The following BCKDHB variants were observed in gnomAD, a reference collection of about 807,000 sequenced individuals.
BCKDHB encodes branched chain keto acid dehydrogenase E1 subunit beta, also known as 2-oxoisovalerate dehydrogenase subunit beta, mitochondrial.
Under a neutral mutation model 48.5 loss-of-function variants are expected in BCKDHB, and 41 were observed. That is an observed-to-expected ratio of 0.85 (90% CI 0.66 to 1.10). BCKDHB has a LOEUF of 1.10. Among genes scored for constraint, BCKDHB ranks in the 50% least tolerant of loss-of-function variants. BCKDHB has a pLI of 0.00. For synonymous variants in BCKDHB, 201 were observed against 174.8 expected, an observed-to-expected ratio of 1.15 and a Z score of -1.18; for missense variants, 496 against 494.2, an observed-to-expected ratio of 1.00 and a Z score of -0.03.
chr6:80,433,009 T>C, the BCKDHB span, among the ~76,000 whole-genome samples: 1 of 152,158 alleles, frequency 6.6e-6, no homozygotes, highest in Non-Finnish European at 1.5e-5. Context: ...ACAGCAAAGA[T>C]TGCTTCCTGT....
chr6:80,190,893 G>A (rs1051400984), intron 6 of BCKDHB, among the ~76,000 whole-genome samples: 2 of 152,190 alleles, frequency 1.3e-5, no homozygotes, highest in African/African-American at 4.8e-5. Context: ...GGTAGTGGCA[G>A]TTGAGGAGAC....
At chr6:80,307,599 G>A (rs1421678688) in intron 9 of BCKDHB, 96 of 983,794 alleles carry the variant, frequency 9.8e-5, no homozygotes, top group Non-Finnish European at 1.1e-4. Flanking sequence ...TAACAAGATC[G>A]TCAACAGAAA....
intron 9 of BCKDHB, among the ~76,000 whole-genome samples, chr6:80,323,530 C>A (rs1768859037): frequency 6.6e-6 from 1 of 152,110 alleles, no homozygotes; most frequent in Non-Finnish European, 1.5e-5. Context: ...GCGTATAGAC[C>A]AATTCAAACT....
chr6:80,140,171 C>G (rs1197971533), intron 3 of BCKDHB, among the ~76,000 whole-genome samples: 1 of 152,164 alleles, frequency 6.6e-6, no homozygotes, highest in Non-Finnish European at 1.5e-5. Flanking sequence ...TGAGACTTTG[C>G]TGAAGTTGCT....
At chr6:80,430,165 G>A in the BCKDHB span, among the ~76,000 whole-genome samples, 8 of 152,096 alleles carry the variant, frequency 5.3e-5, no homozygotes, top group South Asian at 2.1e-4. Context: ...GATAGATTAC[G>A]GTTATTGATT....
intron 8 of BCKDHB, among the ~76,000 whole-genome samples, chr6:80,204,262 T>C (rs1290123796): frequency 1.3e-5 from 2 of 152,120 alleles, no homozygotes; most frequent in African/African-American, 4.8e-5. Context: ...TAGTAGAAGA[T>C]GTAAGATTTG....
chr6:80,261,016 A>G (rs1014101228), intron 8 of BCKDHB, among the ~76,000 whole-genome samples: 1 of 152,110 alleles, frequency 6.6e-6, no homozygotes, highest in Non-Finnish European at 1.5e-5. Flanking sequence ...TTGGCCCCCT[A>G]AGTCAGAGAC....
intron 1 of BCKDHB, chr6:80,127,242 C>T (rs754823266): frequency 2.3e-5 from 8 of 346,338 alleles, no homozygotes; most frequent in Non-Finnish European, 4.4e-5. Flanking sequence ...TTTGACGGGT[C>T]TCCCTTTCTG....
intron 9 of BCKDHB, among the ~76,000 whole-genome samples, chr6:80,298,190 G>A (rs931208949): frequency 2.0e-5 from 3 of 151,960 alleles, no homozygotes; most frequent in Admixed American, 2.0e-4. Flanking sequence ...TCTGCTCACT[G>A]CAACCTCTGC....
At chr6:80,305,626 C>T (rs942950423) in intron 9 of BCKDHB, among the ~76,000 whole-genome samples, 1 of 152,012 alleles carries the variant, frequency 6.6e-6, no homozygotes, top group Admixed American at 6.5e-5. Flanking sequence ...AACCAAGATA[C>T]TCCAAAGAAG....
intron 9 of BCKDHB, among the ~76,000 whole-genome samples, chr6:80,277,355 C>T (rs1778007028): frequency 2.0e-5 from 3 of 151,902 alleles, no homozygotes; most frequent in Admixed American, 1.3e-4. Context: ...ATTTTAATAT[C>T]ACCCAAATTA....
intron 8 of BCKDHB, among the ~76,000 whole-genome samples, chr6:80,240,930 T>C (rs189360427): frequency 6.6e-6 from 1 of 152,340 alleles, no homozygotes; most frequent in Non-Finnish European, 1.5e-5. Flanking sequence ...CCCATATTTC[T>C]TAGAGGCTTT....
chr6:80,451,677 G>A, the BCKDHB span, among the ~76,000 whole-genome samples: 4 of 151,664 alleles, frequency 2.6e-5, no homozygotes, highest in African/African-American at 7.3e-5. Flanking sequence ...TGCAATGAGC[G>A]GAGATCACAC....
chr6:80,432,596 TC>T, the BCKDHB span, among the ~76,000 whole-genome samples: 1 of 152,160 alleles, frequency 6.6e-6, no homozygotes, highest in Non-Finnish European at 1.5e-5. Flanking sequence ...TTTTCAAGGT[TC>T]TTCGTTTCTT....
intron 8 of BCKDHB, among the ~76,000 whole-genome samples, chr6:80,244,617 A>G (rs1776531303): frequency 6.6e-6 from 1 of 152,226 alleles, no homozygotes; most frequent in Non-Finnish European, 1.5e-5. Flanking sequence ...GTATGTGTGC[A>G]TCTATTGTAA....
At chr6:80,319,416 A>G (rs534320173) in intron 9 of BCKDHB, among the ~76,000 whole-genome samples, 2 of 152,340 alleles carry the variant, frequency 1.3e-5, no homozygotes, top group South Asian at 4.1e-4. Flanking sequence ...ATTTAACAAT[A>G]TTATTGTAAT....
At chr6:80,431,709 G>T in the BCKDHB span, among the ~76,000 whole-genome samples, 4 of 152,138 alleles carry the variant, frequency 2.6e-5, no homozygotes, top group Admixed American at 2.0e-4. Flanking sequence ...TTGAGCCTAT[G>T]TGCATCTTTG....
At chr6:80,182,762 C>T (rs1219684126) in intron 6 of BCKDHB, among the ~76,000 whole-genome samples, 1 of 152,022 alleles carries the variant, frequency 6.6e-6, no homozygotes, top group African/African-American at 2.4e-5. Flanking sequence ...ACTTGCTTTG[C>T]AAATTATTTT....
the BCKDHB span, among the ~76,000 whole-genome samples, chr6:80,378,589 C>T: frequency 6.6e-6 from 1 of 151,968 alleles, no homozygotes; most frequent in African/African-American, 2.4e-5. Context: ...AATAGTGCTG[C>T]GATGAACATA....
Sources: gnomAD v4.1 joint callset for allele counts (sites outside exome capture counted in the v4.1 genomes callset) on GRCh38, gnomAD v4.1.1 for gene constraint, MANE v1.5 for transcripts, NCBI Gene and HGNC (gene_info 2026-07-23, HGNC 2026-07-21) for gene names.